NFE2L2: variants seen among roughly 807,000 people sequenced by gnomAD.
The protein encoded by NFE2L2 is nuclear factor erythroid 2-related factor 2.
In NFE2L2, 20 loss-of-function variants were observed where a neutral mutation model predicts 49.6. That is an observed-to-expected ratio of 0.40 (90% CI 0.28 to 0.59). NFE2L2 has a LOEUF of 0.59. NFE2L2 is among the 20% of genes least tolerant of loss of function. The pLI is 0.40. For missense variants in NFE2L2, 578 were observed against 714.2 expected (o/e 0.81, Z 2.17); for synonymous variants, 244 against 256.5 (o/e 0.95, Z 0.47).
intron 1 of NFE2L2, among the ~76,000 whole-genome samples, chr2:177,255,190 C>T (rs1178523822): frequency 2.6e-5 from 4 of 152,172 alleles, no homozygotes; most frequent in South Asian, 2.1e-4. Flanking sequence ...CATGTCTACC[C>T]GCATCTCTCT....
intron 1 of NFE2L2, among the ~76,000 whole-genome samples, chr2:177,255,038 A>G (rs979707155): frequency 3.9e-5 from 6 of 152,210 alleles, no homozygotes; most frequent in African/African-American, 1.4e-4. Flanking sequence ...TGCACAATTT[A>G]CAGCACAATT....
rs374884841 is a variant in NFE2L2 at position 177,240,803 on chromosome 2, G to A, written c.46-6532C>T. Reference sequence around the variant, plus strand: ...ATGTCTTTTGCAAGTCAATTTTAGTGCCTTGAATAAACCAGCATCTATCAT... The same window carrying A: ...ATGTCTTTTGCAAGTCAATTTTAGTACCTTGAATAAACCAGCATCTATCAT... On this transcript the variant is annotated intron_variant, in intron 1 of 4. Transcript: ENST00000397062. 7.9e-4 allele frequency among the ~76,000 whole-genome samples: 121 copies of A among 152,252 alleles called. 2 individuals are homozygous for A. In the South Asian group the frequency reaches 0.019, roughly 24 times the overall value.
chr2:177,264,121 C>G (rs1460482624), intron 1 of NFE2L2, among the ~76,000 whole-genome samples: 1 of 152,106 alleles, frequency 6.6e-6, no homozygotes, highest in African/African-American at 2.4e-5. Flanking sequence ...CCGCGCAGCC[C>G]CGGAAGGGCC....
At chr2:177,264,438 A>T in intron 1 of NFE2L2, 94 bp downstream of exon 1, 1 of 1,304,804 alleles carries the variant, frequency 7.7e-7, no homozygotes. Flanking sequence ...ACGTGGGGGA[A>T]GCCGGTTGCG....
At chr2:177,238,205 A>G (rs1689821317) in intron 1 of NFE2L2, among the ~76,000 whole-genome samples, 1 of 152,226 alleles carries the variant, frequency 6.6e-6, no homozygotes, top group Non-Finnish European at 1.5e-5. Flanking sequence ...CTTGTTAAGG[A>G]GATCCCAGGA....
rs1689523342 is a variant in NFE2L2 at position 177,230,975 on chromosome 2, TTTTC to T, written c.1624_1627del (p.Glu542LysfsTer11). The T allele has an allele frequency of 6.2e-7, 1 of 1,609,576 alleles. No individual in the cohort carries two copies. Among genetic ancestry groups the T allele is most frequent in the Non-Finnish European group, 8.5e-7 (1 of 1,179,036 alleles). ...GTGAAGGCTTTTGTCATTTTCTCCT[TTTTC>T]TTTGAGCAATTTTTCTTTTTCATCT... On this transcript the variant is annotated frameshift_variant, in exon 5 of 5. Coordinates refer to ENST00000397062, the MANE Select transcript of NFE2L2 (RefSeq NM_006164.5). LOFTEE classifies it high-confidence loss of function.
intron 1 of NFE2L2, 109 bp downstream of exon 1, chr2:177,264,423 G>C: frequency 8.2e-7 from 1 of 1,212,826 alleles, no homozygotes; most frequent in South Asian, 1.5e-5. Flanking sequence ...CCTGGCTCTG[G>C]CCAGACGTGG....
In NFE2L2 at chr2:177,243,522, AT is replaced by A. The variant is rs200105240; in HGVS notation, c.46-9252del. Among the ~76,000 whole-genome samples the A allele has an allele frequency of 3.1e-4, 46 of 150,580 alleles. No individual in the cohort carries two copies. In the South Asian group the frequency reaches 6.1e-3, roughly 20 times the overall value. ...GTTCAATCCTTGGGGTCCTTTTCAGATTTTTTTTTTAAAAGAGATTAAGAGT... is the reference window on the plus strand; with the variant it reads ...GTTCAATCCTTGGGGTCCTTTTCAGATTTTTTTTTAAAAGAGATTAAGAGT... On this transcript the variant is annotated intron_variant, in intron 1 of 4. Coordinates refer to ENST00000397062, the MANE Select transcript of NFE2L2 (RefSeq NM_006164.5).
chr2:177,241,612 C>G (rs570100723), intron 1 of NFE2L2, among the ~76,000 whole-genome samples: 1 of 152,292 alleles, frequency 6.6e-6, no homozygotes, highest in South Asian at 2.1e-4. Context: ...AATCCCAGCT[C>G]TTTGGGAGGC....
At chr2:177,235,760 A>G (rs372567779) in intron 1 of NFE2L2, among the ~76,000 whole-genome samples, 2 of 152,126 alleles carry the variant, frequency 1.3e-5, no homozygotes. Flanking sequence ...CCAGGAAGTC[A>G]AGGCCATGGT....
chr2:177,231,865 A>G lies in NFE2L2; in HGVS notation c.738T>C (p.Phe246=). ...TGAAGGAATCCTCAAAAGCATTAAGAAAATGTGGACTACAGTTACCTACTT... is the reference window on the plus strand; with the variant it reads ...TGAAGGAATCCTCAAAAGCATTAAGGAAATGTGGACTACAGTTACCTACTT... ...EKEVGNCSPH[F]LNAFEDSFSS... Residue 246 remains phenylalanine, a synonymous_variant, in exon 5 of 5, where the codon TTT becomes TTC. Transcript: ENST00000397062. 2 of 1,614,230 alleles carry G rather than the reference A, an allele frequency of 1.2e-6. No individual in the cohort carries two copies. The highest frequency in any genetic ancestry group is 1.7e-6 in the Non-Finnish European group (2 of 1,180,030).
intron 1 of NFE2L2, among the ~76,000 whole-genome samples, chr2:177,246,077 G>A (rs766678652): frequency 1.3e-5 from 2 of 152,154 alleles, no homozygotes; most frequent in African/African-American, 4.8e-5. Flanking sequence ...CAACAGACAC[G>A]TTCTGGAAAC....
intron 3 of NFE2L2, chr2:177,232,879 GATTT>G: frequency 2.2e-6 from 1 of 458,720 alleles, no homozygotes; most frequent in Non-Finnish European, 3.8e-6. Context: ...AGATAAAACA[GATTT>G]ATTAAAATTG....
intron 1 of NFE2L2, among the ~76,000 whole-genome samples, chr2:177,236,250 C>T (rs536017762): frequency 6.6e-6 from 1 of 152,242 alleles, no homozygotes; most frequent in Non-Finnish European, 1.5e-5. Flanking sequence ...AGCCTGGAGG[C>T]AGCGCAGCTA....
Position 177,242,899 on chromosome 2 carries a change from G to T in NFE2L2, c.46-8628C>A, listed in dbSNP as rs369690672. Among the ~76,000 whole-genome samples the T allele has an allele frequency of 6.4e-3, 916 of 143,860 alleles. 10 individuals carry two copies. The highest frequency in any genetic ancestry group is 0.022 in the African/African-American group (861 of 38,838). 94.4% of individuals were successfully genotyped at this position (143,860 alleles called of 152,430 possible). A position where few individuals can be genotyped will look rare whatever the true frequency, so the allele number is the denominator to read the frequency against. On this transcript the variant is annotated intron_variant, in intron 1 of 4. Coordinates refer to ENST00000397062, the MANE Select transcript of NFE2L2 (RefSeq NM_006164.5). ...ACATCTGAGTCCCCAAGGAGGTTTT[G>T]TTTTTTTTTTGTTTTTTTTTTGGTG... is the stretch of plus-strand genomic sequence containing the variant.
At chr2:177,236,692 G>T (rs1452039868) in intron 1 of NFE2L2, among the ~76,000 whole-genome samples, 1 of 152,096 alleles carries the variant, frequency 6.6e-6, no homozygotes, top group East Asian at 1.9e-4. Flanking sequence ...AAAATGGCAT[G>T]GCATTTGCTG....
chr2:177,263,392 G>A, intron 1 of NFE2L2: 1 of 985,448 alleles, frequency 1.0e-6, no homozygotes, highest in Non-Finnish European at 1.2e-6. Context: ...ATCTACACTC[G>A]CAACTCTTAC....
At chr2:177,241,374 A>C (rs1056606471) in intron 1 of NFE2L2, among the ~76,000 whole-genome samples, 2 of 152,120 alleles carry the variant, frequency 1.3e-5, no homozygotes, top group African/African-American at 4.8e-5. Context: ...TATTATTCCC[A>C]GGTGATTATA....
chr2:177,241,923 A>G (rs898897172), intron 1 of NFE2L2, among the ~76,000 whole-genome samples: 3 of 152,244 alleles, frequency 2.0e-5, no homozygotes, highest in Non-Finnish European at 4.4e-5. Flanking sequence ...TCCTTATTAG[A>G]TAAAGCAAAA....
Sources: allele counts gnomAD v4.1 joint callset (sites outside exome capture counted in the v4.1 genomes callset), GRCh38; gene constraint gnomAD v4.1.1; transcripts MANE v1.5; gene names NCBI Gene and HGNC (gene_info 2026-07-23, HGNC 2026-07-21).